The following CCL7 variants were observed in gnomAD, a reference collection of about 807,000 sequenced individuals.
CCL7 encodes the protein C-C motif chemokine 7.
A neutral mutation model predicts 7.1 loss-of-function variants in CCL7; 8 were observed. The observed-to-expected ratio is 1.13, with a 90% CI of 0.66 to 2.04. CCL7 has a LOEUF of 2.04. Among genes scored for constraint, CCL7 ranks in the 30% most tolerant of loss-of-function variants. The probability of loss-of-function intolerance (pLI) is 0.00; values close to 1 mark genes in which losing one functional copy is unlikely to be tolerated. For synonymous variants in CCL7, 46 were observed against 41.2 expected (o/e 1.12, Z -0.45); for missense variants, 134 against 113.6 (o/e 1.18, Z -0.82).
rs3744509 is a variant in CCL7, at chr17:34,270,255, A to G, written c.-36A>G. 276 of 1,607,260 alleles carry G rather than the reference A, an allele frequency of 1.7e-4. 3 individuals carry two copies. In the East Asian group the frequency reaches 5.7e-3, roughly 33 times the overall value. On this transcript the variant is annotated 5_prime_UTR_variant, in exon 1 of 3. Coordinates refer to ENST00000378569, the MANE Select transcript of CCL7 (RefSeq NM_006273.4). ...GCTGAGACCAAACCAGAAACCTCCA[A>G]TTCTCATGTGGAAGCCCATGCCCTC... is the stretch of plus-strand genomic sequence containing the variant.
intron 2 of CCL7, among the ~76,000 whole-genome samples, chr17:34,271,494 C>T (rs1207327922): frequency 6.6e-6 from 1 of 152,224 alleles, no homozygotes; most frequent in Non-Finnish European, 1.5e-5. Flanking sequence ...TTCCTTCATC[C>T]TGGAACCAAG....
rs1489729673 is a variant in CCL7, at chr17:34,271,654, C to A, written c.195-43C>A. ...GACTTGGTCACACTCCCAGGCTGAA[C>A]CCTCAAGGTGTTCCATCTGACTGTC... is the stretch of plus-strand genomic sequence containing the variant. On this transcript the variant is annotated intron_variant, in intron 2 of 2. Transcript: ENST00000378569. 6 of 1,322,298 alleles carry A rather than the reference C, an allele frequency of 4.5e-6. No homozygotes were observed. In the South Asian group the frequency reaches 4.9e-5, roughly 11 times the overall value. The allele number at this position is 1,322,298 out of a possible 1,614,324, so 81.9% of individuals were successfully genotyped here. A position where few individuals can be genotyped will look rare whatever the true frequency, so the allele number is the denominator to read the frequency against.
intron 1 of CCL7, 146 bp downstream of exon 1, chr17:34,270,512 G>C (rs1908088402): frequency 3.1e-6 from 2 of 654,640 alleles, no homozygotes; most frequent in Non-Finnish European, 5.2e-6. Context: ...TAAGGGGTGA[G>C]CCCAACCACA....
chr17:34,270,791 A>T (rs970204733), intron 1 of CCL7, among the ~76,000 whole-genome samples: 15 of 152,036 alleles, frequency 9.9e-5, no homozygotes, highest in African/African-American at 3.1e-4. Flanking sequence ...TATCAGGGAA[A>T]CTCATGACCA....
At position 34,271,017 on chromosome 17, in the gene CCL7, G is replaced by C; in HGVS notation, c.77-129G>C. 1.9e-6 allele frequency: 3 copies of C among 1,542,078 alleles called. No homozygotes were observed. In the South Asian group the frequency reaches 3.8e-5, roughly 20 times the overall value. ...TCAAAGGGCAGAGACATTGGGTTTGGGATGGGCAGCTTTTCCCTCCACCTC... is the reference window on the plus strand; with the variant it reads ...TCAAAGGGCAGAGACATTGGGTTTGCGATGGGCAGCTTTTCCCTCCACCTC... On this transcript the variant is annotated intron_variant, in intron 1 of 2. Coordinates refer to ENST00000378569, the MANE Select transcript of CCL7 (RefSeq NM_006273.4).
rs200486481 is a variant in CCL7, at chr17:34,271,740, C to T, written c.238C>T (p.Gln80Ter). ...LDKEICADPT[Q>*]KWVQDFMKHL... ...CAAGGAGATCTGTGCTGACCCCACA[C>T]AGAAGTGGGTCCAGGACTTTATGAA... is the stretch of plus-strand genomic sequence containing the variant. Residue 80 changes from glutamine (Q) to a stop codon, truncating the protein, a stop_gained, in exon 3 of 3, where the codon CAG becomes TAG. Coordinates refer to ENST00000378569, the MANE Select transcript of CCL7 (RefSeq NM_006273.4). LOFTEE classifies it low-confidence loss of function (END_TRUNC). The T allele has an allele frequency of 2.4e-5, 39 of 1,613,278 alleles. No individual in the cohort carries two copies. In the South Asian group the frequency reaches 4.1e-4, roughly 17 times the overall value.
At chr17:34,271,097 A>G in intron 1 of CCL7, 49 bp from the exon 2 acceptor site, 1 of 1,613,474 alleles carries the variant, frequency 6.2e-7, no homozygotes, top group Non-Finnish European at 8.5e-7. Flanking sequence ...AAACAGAAAG[A>G]CCCAGGACAC....
In CCL7 at chr17:34,271,965, G is replaced by C. The variant is rs201209241; in HGVS notation, c.*163G>C. 21 of 558,846 alleles carry C rather than the reference G, an allele frequency of 3.8e-5. 1 individual carries two copies. In the Middle Eastern group the frequency reaches 1.3e-3, roughly 35 times the overall value. The allele number at this position is 558,846 out of a possible 1,614,324, so 34.6% of individuals were successfully genotyped here. A position where few individuals can be genotyped will look rare whatever the true frequency, so the allele number is the denominator to read the frequency against. On this transcript the variant is annotated 3_prime_UTR_variant, in exon 3 of 3. Transcript: ENST00000378569. ...TGGTTTTTCTTAGTAGATTTTAAAA[G>C]TTATTAATATTTTAATTTAATCTTC...
chr17:34,272,034 T>C lies in CCL7; in HGVS notation c.*232T>C. 4.8e-6 allele frequency: 2 copies of C among 421,050 alleles called. No homozygotes were observed. The highest frequency in any genetic ancestry group is 5.4e-5 in the South Asian group (2 of 36,828). The allele number at this position is 421,050 out of a possible 1,614,324, so 26.1% of individuals were successfully genotyped here. ...TTGAACATAAAGCCTTGGATGTATA[T>C]GTCATCTCAGTGCTGTAAAAACTGT... is the stretch of plus-strand genomic sequence containing the variant. On this transcript the variant is annotated 3_prime_UTR_variant, in exon 3 of 3. Coordinates refer to ENST00000378569, the MANE Select transcript of CCL7 (RefSeq NM_006273.4).
In CCL7 at chr17:34,270,314, G is replaced by A. The variant is rs1409885932; in HGVS notation, c.24G>A (p.Leu8=). 1 of 1,614,072 alleles carries A rather than the reference G, an allele frequency of 6.2e-7. No individual in the cohort carries two copies. Among genetic ancestry groups the A allele is most frequent in the East Asian group, 2.2e-5 (1 of 44,876 alleles). ...ACATGAAAGCCTCTGCAGCACTTCT[G>A]TGTCTGCTGCTCACAGCAGCTGCTT... MKASAAL[L]CLLLTAAAFS... is the part of the protein sequence containing the mutation. The change falls in exon 1 of 3, where the codon CTG becomes CTA. Residue 8 remains leucine (L), a synonymous_variant. Coordinates refer to ENST00000378569, the MANE Select transcript of CCL7 (RefSeq NM_006273.4).
In CCL7 at chr17:34,271,185, T is replaced by C. The variant is rs200982100; in HGVS notation, c.116T>C (p.Ile39Thr). The change falls in exon 2 of 3, where the codon ATC (isoleucine) becomes ACC (threonine). Residue 39 changes from isoleucine to threonine, a missense_variant. Ile to Thr is a moderately conservative substitution (Grantham distance 89). Coordinates refer to ENST00000378569, the MANE Select transcript of CCL7 (RefSeq NM_006273.4). ...NTSTTCCYRFINKKIPKQRLE... is the reference protein window; with the variant it reads ...NTSTTCCYRFTNKKIPKQRLE... The stretch of plus-strand genomic sequence containing the variant: ...TCAACTACCTGCTGCTACAGATTTA[T>C]CAATAAGAAAATCCCTAAGCAGAGG... 2 of 1,614,122 alleles carry C rather than the reference T, an allele frequency of 1.2e-6. No individual in the cohort carries two copies. The highest frequency in any genetic ancestry group is 1.7e-6 in the Non-Finnish European group (2 of 1,180,020).
rs370078389 is a variant in CCL7, at chr17:34,271,755, G to C, written c.253G>C (p.Asp85His). Reference sequence around the variant, plus strand: ...TGACCCCACACAGAAGTGGGTCCAGGACTTTATGAAGCACCTGGACAAGAA... The same window carrying C: ...TGACCCCACACAGAAGTGGGTCCAGCACTTTATGAAGCACCTGGACAAGAA... Reference protein sequence around the residue: ...CADPTQKWVQDFMKHLDKKTQ... With the variant: ...CADPTQKWVQHFMKHLDKKTQ... The change falls in exon 3 of 3, where the codon GAC (aspartate) becomes CAC (histidine). Residue 85 changes from aspartate (D) to histidine (H), a missense_variant. Transcript: ENST00000378569. The C allele has an allele frequency of 5.6e-6, 9 of 1,613,444 alleles. No individual in the cohort carries two copies. In the East Asian group the frequency reaches 6.7e-5, roughly 12 times the overall value.
At chr17:34,270,830 G>A (rs986256308) in intron 1 of CCL7, among the ~76,000 whole-genome samples, 1 of 152,182 alleles carries the variant, frequency 6.6e-6, no homozygotes. Context: ...CCTAAAAGGG[G>A]ATCCATAGTT....
chr17:34,270,350 G>C lies in CCL7; in HGVS notation c.60G>C (p.Gln20His). Residue 20 changes from glutamine to histidine, a missense_variant, in exon 1 of 3, where the codon CAG becomes CAC. Coordinates refer to ENST00000378569, the MANE Select transcript of CCL7 (RefSeq NM_006273.4). ...TCACAGCAGCTGCTTTCAGCCCCCA[G>C]GGGCTTGCTCAGCCAGGTAAGGTCC... ...LLLTAAAFSP[Q>H]GLAQPVGINT... is the part of the protein sequence containing the mutation. The C allele has an allele frequency of 6.2e-7, 1 of 1,614,168 alleles. No homozygotes were observed. Among genetic ancestry groups the C allele is most frequent in the Non-Finnish European group, 8.5e-7 (1 of 1,180,012 alleles).
Position 34,270,266 on chromosome 17 carries a change from G to A in CCL7, c.-25G>A. On this transcript the variant is annotated 5_prime_UTR_variant, in exon 1 of 3. An upstream open reading frame in the 5' UTR gains an earlier in-frame stop. Transcript: ENST00000378569. ...ACCAGAAACCTCCAATTCTCATGTG[G>A]AAGCCCATGCCCTCACCCTCCAACA... 1 of 1,612,632 alleles carries A rather than the reference G, an allele frequency of 6.2e-7. No individual in the cohort carries two copies. Among genetic ancestry groups the A allele is most frequent in the Non-Finnish European group, 8.5e-7 (1 of 1,178,652 alleles).
intron 1 of CCL7, 62 bp from the exon 2 acceptor site, chr17:34,271,084 T>A (rs1438231135): frequency 1.2e-6 from 2 of 1,606,368 alleles, no homozygotes; most frequent in Non-Finnish European, 8.5e-7. Flanking sequence ...TTCCCTGTTT[T>A]ACAAACAGAA....
intron 1 of CCL7, 36 bp downstream of exon 1, chr17:34,270,402 GCC>G: frequency 1.3e-6 from 2 of 1,558,388 alleles, no homozygotes; most frequent in Non-Finnish European, 8.9e-7. Flanking sequence ...GAAGCACATT[GCC>G]CCCTCTCTGG....
Position 34,271,696 on chromosome 17 carries a change from G to T in CCL7, c.195-1G>T, listed in dbSNP as rs1331803631. On this transcript the variant is annotated splice_acceptor_variant, in intron 2 of 2. Transcript: ENST00000378569. LOFTEE classifies it high-confidence loss of function. ...CTGACTGTCTCCTTTCTGCTCCACAGCTTCAAGACCAAACTGGACAAGGAG... is the reference window on the plus strand; with the variant it reads ...CTGACTGTCTCCTTTCTGCTCCACATCTTCAAGACCAAACTGGACAAGGAG... 1 of 1,605,064 alleles carries T rather than the reference G, an allele frequency of 6.2e-7. No individual in the cohort carries two copies. Among genetic ancestry groups the T allele is most frequent in the Non-Finnish European group, 8.5e-7 (1 of 1,175,782 alleles).
chr17:34,271,933 T>A lies in CCL7; in HGVS notation c.*131T>A. 2 of 612,044 alleles carry A rather than the reference T, an allele frequency of 3.3e-6. No homozygotes were observed. Among genetic ancestry groups the A allele is most frequent in the Non-Finnish European group, 5.8e-6 (2 of 346,966 alleles). The allele number at this position is 612,044 out of a possible 1,614,324, so 37.9% of individuals were successfully genotyped here. On this transcript the variant is annotated 3_prime_UTR_variant, in exon 3 of 3. Coordinates refer to ENST00000378569, the MANE Select transcript of CCL7 (RefSeq NM_006273.4). ...GGAATATGAGCTTTATGTAATAATG[T>A]GAATCATGGTTTTTCTTAGTAGATT...
Sources: gnomAD v4.1 joint callset for allele counts (sites outside exome capture counted in the v4.1 genomes callset) on GRCh38, gnomAD v4.1.1 for gene constraint, MANE v1.5 for transcripts, NCBI Gene and HGNC (gene_info 2026-07-23, HGNC 2026-07-21) for gene names.